The following PCDH11X variants were observed in gnomAD, a reference collection of about 807,000 sequenced individuals.
The protein encoded by PCDH11X is protocadherin 11 X-linked, also known as protocadherin-11 X-linked.
In PCDH11X, 18 loss-of-function variants were observed where a neutral mutation model predicts 53.3. The observed-to-expected ratio is 0.34, with a 90% confidence interval of 0.23 to 0.50. PCDH11X has a LOEUF of 0.50. Ranked by LOEUF, PCDH11X falls within the 20% of genes least tolerant of loss-of-function variation. The probability of loss-of-function intolerance (pLI) is 0.98; values close to 1 mark genes in which losing one functional copy is unlikely to be tolerated. For synonymous variants in PCDH11X, 279 were observed against 393.3 expected (o/e 0.71, Z 3.44); for missense variants, 570 against 1,032.4 (o/e 0.55, Z 6.14).
chrX:92,184,268 C>T (rs2066052006), intron 6 of PCDH11X, among the ~76,000 whole-genome samples: 1 of 111,976 alleles, frequency 8.9e-6, no homozygotes, highest in African/African-American at 3.2e-5. Context: ...TTTAGATCCT[C>T]ATATGTCTTC....
chrX:92,597,287 A>C (rs1259832171), intron 10 of PCDH11X, among the ~76,000 whole-genome samples: 1 of 102,326 alleles, frequency 9.8e-6, no homozygotes, highest in African/African-American at 3.7e-5. Context: ...AAAACTAAAG[A>C]GTGCAAAAAA....
intron 6 of PCDH11X, among the ~76,000 whole-genome samples, chrX:91,909,502 A>T (rs1447960711): frequency 9.2e-6 from 1 of 109,055 alleles, no homozygotes; most frequent in African/African-American, 3.4e-5. Flanking sequence ...TCTCTTAAAG[A>T]TCTTACAGTG....
chrX:92,598,312 A>G (rs1371488842), intron 10 of PCDH11X, among the ~76,000 whole-genome samples: 4 of 109,606 alleles, frequency 3.6e-5, no homozygotes, highest in Non-Finnish European at 5.7e-5. Context: ...CAAGCAGAAC[A>G]TTTAAGGAGC....
At chrX:92,578,207 T>C (rs1258480327) in intron 10 of PCDH11X, among the ~76,000 whole-genome samples, 1 of 95,879 alleles carries the variant, frequency 1.0e-5, no homozygotes, top group Non-Finnish European at 2.1e-5. Context: ...CTGAGGTCTA[T>C]TGGGGGATGG....
At chrX:91,826,466 T>C (rs1936930253) in intron 4 of PCDH11X, among the ~76,000 whole-genome samples, 3 of 97,342 alleles carry the variant, frequency 3.1e-5, no homozygotes, top group African/African-American at 1.2e-4. Flanking sequence ...ACTTTATTTC[T>C]TTAACTTTTA....
At chrX:92,325,652 A>C (rs1228807076) in intron 8 of PCDH11X, among the ~76,000 whole-genome samples, 1 of 112,219 alleles carries the variant, frequency 8.9e-6, no homozygotes, top group Non-Finnish European at 1.9e-5. Context: ...AGCTTTGCAA[A>C]TATGGCAAAT....
intron 7 of PCDH11X, among the ~76,000 whole-genome samples, chrX:92,254,058 T>C (rs1302425114): frequency 1.8e-5 from 2 of 112,065 alleles, no homozygotes; most frequent in Non-Finnish European, 3.8e-5. Context: ...ATTAAGTATG[T>C]GAGTCTGTCA....
At chrX:92,147,904 TTCTC>T (rs1229601897) in intron 6 of PCDH11X, among the ~76,000 whole-genome samples, 5 of 99,691 alleles carry the variant, frequency 5.0e-5, no homozygotes, top group African/African-American at 1.1e-4. Flanking sequence ...TTCCTTTTCT[TTCTC>T]TCTCTTTCTC....
At chrX:91,881,792 T>C (rs1374236065) in intron 6 of PCDH11X, among the ~76,000 whole-genome samples, 1 of 109,813 alleles carries the variant, frequency 9.1e-6, no homozygotes, top group Non-Finnish European at 1.9e-5. Flanking sequence ...CAATACAAAT[T>C]CATTGTTCCT....
chrX:92,294,851 T>A (rs2148462179), intron 8 of PCDH11X, among the ~76,000 whole-genome samples: 1 of 98,198 alleles, frequency 1.0e-5, no homozygotes, highest in South Asian at 5.3e-4. Flanking sequence ...ATGTGTGTAC[T>A]CTTTGGTGAG....
intron 9 of PCDH11X, among the ~76,000 whole-genome samples, chrX:92,418,984 C>T: frequency 9.5e-6 from 1 of 105,509 alleles, no homozygotes; most frequent in Middle Eastern, 5.0e-3. Flanking sequence ...GGCCTATGTA[C>T]TGTGTAGAAG....
At chrX:91,973,059 C>T (rs2061989559) in intron 6 of PCDH11X, among the ~76,000 whole-genome samples, 1 of 109,607 alleles carries the variant, frequency 9.1e-6, no homozygotes. Flanking sequence ...CAATGATAGA[C>T]TGGATTAAGA....
chrX:92,174,922 C>T (rs1303106371), intron 6 of PCDH11X, among the ~76,000 whole-genome samples: 1 of 111,728 alleles, frequency 9.0e-6, no homozygotes, highest in Admixed American at 9.6e-5. Flanking sequence ...ATGAGGTTAG[C>T]CACAACACAA....
intron 7 of PCDH11X, among the ~76,000 whole-genome samples, chrX:92,215,703 G>A (rs1190291254): frequency 9.7e-6 from 1 of 103,276 alleles, no homozygotes; most frequent in Non-Finnish European, 2.0e-5. Flanking sequence ...GAGAGCAGTG[G>A]TTCTCCCAGC....
At chrX:92,483,141 C>T (rs977134135) in intron 10 of PCDH11X, among the ~76,000 whole-genome samples, 1 of 111,701 alleles carries the variant, frequency 9.0e-6, no homozygotes, top group Admixed American at 9.5e-5. Context: ...TACAGCTAAA[C>T]TCAAACTAAA....
chrX:92,064,671 A>G (rs899413802), intron 6 of PCDH11X, among the ~76,000 whole-genome samples: 39 of 110,416 alleles, frequency 3.5e-4, no homozygotes, highest in African/African-American at 1.2e-3. Context: ...TTATAGATTT[A>G]TGATTTTATT....
rs2065418832 is a variant in PCDH11X at position 92,150,787 on chromosome X, A to G, written c.3034-50588A>G. ...ATTAGATTTATTCCAAAAGGATTTT[A>G]TGTTGTTTGGCATTAATATGAGTGG... is the stretch of plus-strand genomic sequence containing the variant. On this transcript the variant is annotated intron_variant, in intron 6 of 10. Coordinates refer to ENST00000682573, the MANE Select transcript of PCDH11X (RefSeq NM_032968.5). Among the ~76,000 whole-genome samples, 3 of 109,957 alleles carry G rather than the reference A, an allele frequency of 2.7e-5. No individual in the cohort carries two copies. In the Admixed American group the frequency reaches 2.9e-4, roughly 11 times the overall value.
At chrX:92,336,707 C>T (rs2069627215) in intron 8 of PCDH11X, among the ~76,000 whole-genome samples, 1 of 111,711 alleles carries the variant, frequency 9.0e-6, no homozygotes, top group Admixed American at 9.6e-5. Flanking sequence ...CTAAATATTT[C>T]TCACACTTAT....
At chrX:91,926,434 C>T (rs1421670448) in intron 6 of PCDH11X, among the ~76,000 whole-genome samples, 2 of 111,258 alleles carry the variant, frequency 1.8e-5, no homozygotes, top group Non-Finnish European at 3.8e-5. Context: ...TTAACCATCA[C>T]ATGATATTTT....
Sources: gnomAD v4.1 joint callset for allele counts (sites outside exome capture counted in the v4.1 genomes callset) on GRCh38, gnomAD v4.1.1 for gene constraint, MANE v1.5 for transcripts, NCBI Gene and HGNC (gene_info 2026-07-23, HGNC 2026-07-21) for gene names.